Variants in DCDC1 observed in about 807,000 individuals in gnomAD.
DCDC1 encodes the protein doublecortin domain-containing protein 1.
In DCDC1, 200 loss-of-function variants were observed where a neutral mutation model predicts 178.3. The observed-to-expected ratio is 1.12, with a 90% CI of 1.00 to 1.26. DCDC1 has a LOEUF of 1.26. Among genes scored for constraint, DCDC1 ranks in the 50% most tolerant of loss-of-function variants. DCDC1 has a pLI of 0.00. For synonymous variants in DCDC1, 690 were observed against 604.8 expected, an observed-to-expected ratio of 1.14 and a Z score of -2.07; for missense variants, 1,983 against 1,749.2, an observed-to-expected ratio of 1.13 and a Z score of -2.38.
chr11:30,867,829 C>T (rs1941138568), intron 38 of DCDC1, among the ~76,000 whole-genome samples: 1 of 152,190 alleles, frequency 6.6e-6, no homozygotes, highest in African/African-American at 2.4e-5. Context: ...ATCATATCTT[C>T]CTAATCATAT....
intron 21 of DCDC1, among the ~76,000 whole-genome samples, chr11:30,937,216 C>T (rs1947330671): frequency 6.6e-6 from 1 of 152,096 alleles, no homozygotes; most frequent in Non-Finnish European, 1.5e-5. Flanking sequence ...CAAATCCCTC[C>T]CCTCTTACCC....
intron 2 of DCDC1, among the ~76,000 whole-genome samples, chr11:31,329,680 C>G (rs535857623): frequency 1.3e-5 from 2 of 152,088 alleles, no homozygotes; most frequent in African/African-American, 4.8e-5. Flanking sequence ...ATAGTTTGCT[C>G]AGAATGATGC....
chr11:31,289,050 AAG>A (rs1947036528), intron 7 of DCDC1, among the ~76,000 whole-genome samples: 1 of 152,014 alleles, frequency 6.6e-6, no homozygotes, highest in South Asian at 2.1e-4. Flanking sequence ...CAAATCATAA[AAG>A]AAAAAAGTAA....
chr11:30,938,708 G>A (rs1284870340), intron 21 of DCDC1, among the ~76,000 whole-genome samples: 1 of 152,122 alleles, frequency 6.6e-6, no homozygotes, highest in Non-Finnish European at 1.5e-5. Flanking sequence ...AAGACCGAAG[G>A]CATACTAACG....
intron 9 of DCDC1, among the ~76,000 whole-genome samples, chr11:31,152,533 A>G (rs1475558512): frequency 6.6e-6 from 1 of 152,206 alleles, no homozygotes; most frequent in Non-Finnish European, 1.5e-5. Context: ...ATTCTCTTCC[A>G]CTATTTCTGT....
chr11:31,036,592 G>T (rs1400042157), intron 20 of DCDC1, among the ~76,000 whole-genome samples: 1 of 152,050 alleles, frequency 6.6e-6, no homozygotes, highest in Admixed American at 6.6e-5. Context: ...TAGTAAAACA[G>T]GATTATAAAA....
intron 11 of DCDC1, among the ~76,000 whole-genome samples, chr11:31,112,358 T>C (rs898714158): frequency 6.6e-6 from 1 of 152,194 alleles, no homozygotes; most frequent in African/African-American, 2.4e-5. Context: ...TAAACAAAGA[T>C]AGCTTTCTAA....
intron 9 of DCDC1, among the ~76,000 whole-genome samples, chr11:31,175,496 C>G (rs1394535755): frequency 6.6e-6 from 1 of 152,174 alleles, no homozygotes; most frequent in Non-Finnish European, 1.5e-5. Context: ...GGCCAGTGCA[C>G]CAAGCATACA....
chr11:30,993,385 A>G (rs1197323611), intron 20 of DCDC1, among the ~76,000 whole-genome samples: 1 of 152,104 alleles, frequency 6.6e-6, no homozygotes, highest in Non-Finnish European at 1.5e-5. Context: ...ATAAAGATGT[A>G]AAATCTGTAA....
In DCDC1 at chr11:30,905,206, C is replaced by A. The variant is rs983594851; in HGVS notation, c.4105-42G>T. 9 of 1,538,216 alleles carry A rather than the reference C, an allele frequency of 5.9e-6. No individual in the cohort carries two copies. In the Admixed American group the frequency reaches 1.2e-4, roughly 20 times the overall value. On this transcript the variant is annotated intron_variant, in intron 30 of 38. Transcript: ENST00000684477. ...TAAATTGTACATTTACTCAAACTTT[C>A]TTGTTTTAGTGTGCTACACTTTAGT...
At chr11:31,251,805 A>T (rs1944055761) in intron 8 of DCDC1, among the ~76,000 whole-genome samples, 1 of 152,114 alleles carries the variant, frequency 6.6e-6, no homozygotes, top group Non-Finnish European at 1.5e-5. Flanking sequence ...GGATAGGGTG[A>T]GAGAGAATCC....
intron 17 of DCDC1, among the ~76,000 whole-genome samples, chr11:31,088,105 T>C (rs909946893): frequency 2.0e-5 from 3 of 152,130 alleles, no homozygotes; most frequent in Non-Finnish European, 4.4e-5. Context: ...TGACGTCTAC[T>C]TTATCTGATA....
Position 30,881,239 on chromosome 11 carries a change from C to T in DCDC1, c.5152G>A (p.Glu1718Lys), listed in dbSNP as rs1260845714. The T allele has an allele frequency of 1.9e-6, 3 of 1,613,440 alleles. No individual in the cohort carries two copies. Among genetic ancestry groups the T allele is most frequent in the Admixed American group, 1.7e-5 (1 of 59,932 alleles). ...ATGTCGTCCCAGGACTGAATTGGCT[C>T]TCCACTGGGGGTGTACAGTGCTCTA... The part of the protein sequence containing the change: ...PARALYTPSG[E>K]PIQSWDDIER... Residue 1718 changes from glutamate (E) to lysine (K), a missense_variant, in exon 37 of 39, where the codon GAG becomes AAG. Physicochemically the swap from Glu to Lys is moderately conservative, Grantham distance 56. Transcript: ENST00000684477.
intron 3 of DCDC1, among the ~76,000 whole-genome samples, chr11:31,312,968 C>G (rs564167463): frequency 1.3e-5 from 2 of 151,874 alleles, no homozygotes; most frequent in African/African-American, 2.4e-5. Flanking sequence ...TCAGCCTGGG[C>G]AACAGAGCAA....
chr11:30,945,746 A>ATCTATCTG (rs1480745673), intron 21 of DCDC1, among the ~76,000 whole-genome samples: 47 of 106,982 alleles, frequency 4.4e-4, no homozygotes, highest in Middle Eastern at 0.01. Flanking sequence ...CTATCTATCT[A>ATCTATCTG]TCTGTCTGTC....
At chr11:31,037,743 G>A (rs367919823) in intron 20 of DCDC1, among the ~76,000 whole-genome samples, 1 of 152,062 alleles carries the variant, frequency 6.6e-6, no homozygotes, top group Admixed American at 6.6e-5. Context: ...GATTACAGGC[G>A]TGAGCCACTG....
rs1306277556 is a variant in DCDC1, at chr11:31,065,014, C to T, written c.2433+5G>A. On this transcript the variant is annotated splice_donor_5th_base_variant and intron_variant, in intron 19 of 38. Transcript: ENST00000684477. ...TCTGTCTTGCCTCTGGCTCCCTACA[C>T]TGACCTCTTCTGCTAAGTTTCTGCC... 4.0e-6 allele frequency: 3 copies of T among 754,658 alleles called. No homozygotes were observed. The African/African-American group carries it at 5.1e-5, about 13-fold the overall frequency. 46.7% of individuals were successfully genotyped at this position (754,658 alleles called of 1,614,324 possible).
At chr11:31,303,415 C>T (rs1203318068) in intron 6 of DCDC1, among the ~76,000 whole-genome samples, 1 of 152,136 alleles carries the variant, frequency 6.6e-6, no homozygotes, top group East Asian at 1.9e-4. Flanking sequence ...GATCATGTCT[C>T]TTTAAGTTTA....
intron 9 of DCDC1, among the ~76,000 whole-genome samples, chr11:31,235,928 A>G (rs530970681): frequency 6.6e-6 from 1 of 152,060 alleles, no homozygotes; most frequent in Non-Finnish European, 1.5e-5. Context: ...ATTACCATGT[A>G]AAAAAGAAAA....
Sources: gnomAD v4.1 joint callset for allele counts (sites outside exome capture counted in the v4.1 genomes callset) on GRCh38, gnomAD v4.1.1 for gene constraint, MANE v1.5 for transcripts, NCBI Gene and HGNC (gene_info 2026-07-23, HGNC 2026-07-21) for gene names.